Variants in EPB41L3 observed in about 807,000 individuals in gnomAD.
EPB41L3 encodes the protein erythrocyte membrane protein band 4.1 like 3.
In EPB41L3, 57 loss-of-function variants were observed where a neutral mutation model predicts 127.1. The ratio of observed to expected loss-of-function variants is 0.45; its 90% CI spans 0.36 to 0.56. The LOEUF (loss-of-function observed/expected upper bound fraction) is 0.56. Ranked by LOEUF, EPB41L3 falls within the 20% of genes least tolerant of loss-of-function variation. The pLI is 0.00. For missense variants in EPB41L3, 1,273 were observed against 1,372.2 expected, an observed-to-expected ratio of 0.93 and a Z score of 1.14; for synonymous variants, 572 against 549.5, an observed-to-expected ratio of 1.04 and a Z score of -0.57.
chr18:5,549,972 G>A (rs2093941521), intron 3 of EPB41L3, among the ~76,000 whole-genome samples: 1 of 152,208 alleles, frequency 6.6e-6, no homozygotes, highest in South Asian at 2.1e-4. Flanking sequence ...TCAGTCTGCA[G>A]CAGCAGTTCA....
chr18:5,613,238 G>A (rs949319401), intron 2 of EPB41L3, among the ~76,000 whole-genome samples: 4 of 152,128 alleles, frequency 2.6e-5, no homozygotes, highest in Admixed American at 6.5e-5. Context: ...TTTTCTTGAG[G>A]GAAGAAATAA....
intron 3 of EPB41L3, among the ~76,000 whole-genome samples, chr18:5,446,486 C>A (rs908588614): frequency 6.6e-6 from 1 of 152,178 alleles, no homozygotes; most frequent in Non-Finnish European, 1.5e-5. Flanking sequence ...TGTTTGTGCG[C>A]TACTAACATT....
Position 5,415,793 on chromosome 18 carries a change from G to A in EPB41L3, c.2067+25C>T, listed in dbSNP as rs777077930. 10 of 1,598,538 alleles carry A rather than the reference G, an allele frequency of 6.3e-6. No individual in the cohort carries two copies. In the East Asian group the frequency reaches 2.0e-4, roughly 32 times the overall value. On this transcript the variant is annotated intron_variant, in intron 13 of 22. Transcript: ENST00000341928. ...CTCAAGCACGGAACACGAAGGGGAA[G>A]CGTGTTCTATGCCGAGGTACACACC...
chr18:5,600,003 G>A (rs76040396), intron 3 of EPB41L3, among the ~76,000 whole-genome samples: 3,435 of 152,142 alleles, frequency 0.023, 103 homozygotes, highest in African/African-American at 0.073. Context: ...GTAAAAAGTT[G>A]TACCATCAAC....
intron 13 of EPB41L3, among the ~76,000 whole-genome samples, chr18:5,413,223 CA>C (rs2076410608): frequency 6.6e-6 from 1 of 151,916 alleles, no homozygotes; most frequent in East Asian, 1.9e-4. Flanking sequence ...TTTGTATTAT[CA>C]AAAAATTACT....
intron 1 of EPB41L3, among the ~76,000 whole-genome samples, chr18:5,494,872 G>C (rs986590279): frequency 1.3e-5 from 2 of 152,118 alleles, no homozygotes; most frequent in African/African-American, 4.8e-5. Flanking sequence ...GACACAGGCA[G>C]GTCCTGCAAG....
At chr18:5,399,142 C>T (rs1018614277) in intron 16 of EPB41L3, 5 of 398,942 alleles carry the variant, frequency 1.3e-5, no homozygotes, top group African/African-American at 4.1e-5. Flanking sequence ...ACAATTCTCC[C>T]GGAGACAGTG....
chr18:5,543,684 G>C lies in EPB41L3; in HGVS notation c.-12+229C>G, dbSNP rs1422470825. On this transcript the variant is annotated intron_variant, in intron 1 of 22. Coordinates refer to ENST00000341928, the MANE Select transcript of EPB41L3 (RefSeq NM_012307.5). The surrounding 1 kb of genome is among the most constrained non-coding windows in gnomAD (Gnocchi z 5.2). Reference sequence around the variant, plus strand: ...CCGCGGCGGGCGGAGCGGGCGGGGGGCGCGGCGCGCAGGCTCGGCCCGGTG... The same window carrying C: ...CCGCGGCGGGCGGAGCGGGCGGGGGCCGCGGCGCGCAGGCTCGGCCCGGTG... Among the ~76,000 whole-genome samples, 1 of 144,930 alleles carries C rather than the reference G, an allele frequency of 6.9e-6. No homozygotes were observed. The highest frequency in any genetic ancestry group is 1.5e-5 in the Non-Finnish European group (1 of 65,450).
intron 3 of EPB41L3, among the ~76,000 whole-genome samples, chr18:5,475,106 T>TC (rs1165006450): frequency 6.6e-6 from 1 of 152,164 alleles, no homozygotes; most frequent in Non-Finnish European, 1.5e-5. Context: ...ATTTAACACA[T>TC]CCTATTTCTC....
intron 3 of EPB41L3, among the ~76,000 whole-genome samples, chr18:5,598,012 A>G (rs1353394886): frequency 6.6e-6 from 1 of 152,162 alleles, no homozygotes; most frequent in Non-Finnish European, 1.5e-5. Context: ...TCTGTCAAAG[A>G]TGAAGTAACT....
At chr18:5,437,238 AT>A (rs1446200194) in intron 6 of EPB41L3, among the ~76,000 whole-genome samples, 19 of 152,254 alleles carry the variant, frequency 1.2e-4, no homozygotes, top group Middle Eastern at 3.4e-3. Context: ...CATGAATGGG[AT>A]TAGTGCCCTT....
chr18:5,469,144 C>T (rs1462527552), intron 3 of EPB41L3, among the ~76,000 whole-genome samples: 1 of 152,120 alleles, frequency 6.6e-6, no homozygotes, highest in Admixed American at 6.5e-5. Context: ...GTAACACACA[C>T]AGGGCTGAAA....
At chr18:5,541,857 T>C (rs1167683891) in intron 1 of EPB41L3, among the ~76,000 whole-genome samples, 1 of 152,236 alleles carries the variant, frequency 6.6e-6, no homozygotes. Flanking sequence ...CTACTCTTCT[T>C]GTTATGGATG....
chr18:5,460,051 T>A (rs1017875788), intron 3 of EPB41L3, among the ~76,000 whole-genome samples: 38 of 152,226 alleles, frequency 2.5e-4, no homozygotes, highest in Non-Finnish European at 5.4e-4. Flanking sequence ...CTTTCCCTGC[T>A]CCTCTCTCCC....
intron 2 of EPB41L3, among the ~76,000 whole-genome samples, chr18:5,485,377 C>A (rs9955253): frequency 0.044 from 6,655 of 151,778 alleles, 284 homozygotes; most frequent in African/African-American, 0.12. Context: ...TATGAAAAAC[C>A]CAAATTAGCA....
At chr18:5,465,298 G>A (rs1201278031) in intron 3 of EPB41L3, among the ~76,000 whole-genome samples, 1 of 152,138 alleles carries the variant, frequency 6.6e-6, no homozygotes, top group South Asian at 2.1e-4. Context: ...AAATTAATGA[G>A]TAGCTGATGG....
In EPB41L3 at chr18:5,475,750, G is replaced by A. The variant is rs553436221; in HGVS notation, c.381+2491C>T. On this transcript the variant is annotated intron_variant, in intron 3 of 22. Coordinates refer to ENST00000341928, the MANE Select transcript of EPB41L3 (RefSeq NM_012307.5). ...GTTAGCTTTCCTGCTTTGCTTCAGC[G>A]TCCCACACTGTCCATTTCATAATAA... 6.6e-5 allele frequency among the ~76,000 whole-genome samples: 10 copies of A among 152,190 alleles called. No individual in the cohort carries two copies. In the South Asian group the frequency reaches 1.2e-3, roughly 19 times the overall value.
At chr18:5,504,768 G>A (rs1343699329) in intron 1 of EPB41L3, among the ~76,000 whole-genome samples, 1 of 152,058 alleles carries the variant, frequency 6.6e-6, no homozygotes, top group Non-Finnish European at 1.5e-5. Flanking sequence ...TCATACAACA[G>A]TAAAGGCAAC....
intron 3 of EPB41L3, among the ~76,000 whole-genome samples, chr18:5,447,448 CTTTT>C (rs10694622): frequency 3.5e-5 from 4 of 114,104 alleles, no homozygotes; most frequent in Admixed American, 2.0e-4. Flanking sequence ...AGCTAGACTA[CTTTT>C]TTTTTTTTTT....
Sources: gnomAD v4.1 joint callset for allele counts (sites outside exome capture counted in the v4.1 genomes callset) on GRCh38, gnomAD v4.1.1 for gene constraint, Gnocchi (gnomAD v3.1) non-coding constraint, MANE v1.5 for transcripts, NCBI Gene and HGNC (gene_info 2026-07-23, HGNC 2026-07-21) for gene names.